Variants in CDH18 observed in about 807,000 individuals in gnomAD.
CDH18 encodes the protein cadherin-18.
CDH18 carries 31 observed loss-of-function variants against 67.9 expected under a neutral mutation model. That is an observed-to-expected ratio of 0.46 (90% CI 0.34 to 0.62). CDH18 has a LOEUF of 0.62. CDH18 is among the 20% of genes least tolerant of loss of function. The pLI is 0.01. For missense variants in CDH18, 890 were observed against 975.5 expected, an observed-to-expected ratio of 0.91 and a Z score of 1.17; for synonymous variants, 362 against 347.2, an observed-to-expected ratio of 1.04 and a Z score of -0.48.
intron 6 of CDH18, among the ~76,000 whole-genome samples, chr5:19,603,878 AT>A (rs953995019): frequency 6.0e-5 from 9 of 150,430 alleles, no homozygotes; most frequent in Admixed American, 1.3e-4. Flanking sequence ...ACTCATTAGA[AT>A]TTTTTTTACT....
In CDH18 at chr5:19,710,763, T is replaced by C. The variant is rs140455476; in HGVS notation, c.643+10584A>G. On this transcript the variant is annotated intron_variant, in intron 5 of 12. Coordinates refer to ENST00000382275, the MANE Select transcript of CDH18 (RefSeq NM_004934.5). ...CTACAAAACTTTTAAAAACTTAGTTTTGTAGTTAAAGTTAGATAATGTAGG... is the reference window on the plus strand; with the variant it reads ...CTACAAAACTTTTAAAAACTTAGTTCTGTAGTTAAAGTTAGATAATGTAGG... Among the ~76,000 whole-genome samples the C allele has an allele frequency of 2.0e-3, 306 of 152,248 alleles. 1 individual carries two copies. Among genetic ancestry groups the C allele is most frequent in the African/African-American group, 6.9e-3 (285 of 41,564 alleles).
At chr5:19,549,800 G>T (rs1271377377) in intron 8 of CDH18, among the ~76,000 whole-genome samples, 1 of 114,642 alleles carries the variant, frequency 8.7e-6, no homozygotes, top group East Asian at 2.9e-4. Flanking sequence ...AAGGAAGAAA[G>T]AAAAAGAAAG....
intron 8 of CDH18, among the ~76,000 whole-genome samples, chr5:19,547,360 G>A (rs1424431645): frequency 6.6e-6 from 1 of 152,142 alleles, no homozygotes; most frequent in Non-Finnish European, 1.5e-5. Context: ...ATTCAAATTT[G>A]GAACTTATTA....
chr5:20,157,379 G>A (rs1212592316), intron 2 of CDH18, among the ~76,000 whole-genome samples: 1 of 152,124 alleles, frequency 6.6e-6, no homozygotes, highest in Admixed American at 6.6e-5. Context: ...AGTGGACTAT[G>A]AAGAATCAGT....
intron 1 of CDH18, among the ~76,000 whole-genome samples, chr5:20,279,721 A>AC (rs1352580317): frequency 6.7e-6 from 1 of 148,716 alleles, no homozygotes; most frequent in Admixed American, 6.7e-5. Flanking sequence ...AAAAAAAAAA[A>AC]AAAAAAAGCA....
chr5:19,525,893 C>A (rs778020074), intron 9 of CDH18, among the ~76,000 whole-genome samples: 4 of 152,136 alleles, frequency 2.6e-5, no homozygotes, highest in Non-Finnish European at 5.9e-5. Context: ...TTCCTTAAGA[C>A]CTTAAAGCAC....
chr5:19,741,288 T>C (rs535845852), intron 4 of CDH18, among the ~76,000 whole-genome samples: 3 of 142,340 alleles, frequency 2.1e-5, no homozygotes, highest in East Asian at 2.1e-4. Context: ...CGTGTATATA[T>C]ACATACATAT....
chr5:20,552,915 C>T (rs527356729), intron 1 of CDH18, among the ~76,000 whole-genome samples: 21 of 152,018 alleles, frequency 1.4e-4, no homozygotes, highest in South Asian at 4.2e-4. Context: ...CCATCATGCA[C>T]GGCTAATTTT....
intron 7 of CDH18, among the ~76,000 whole-genome samples, chr5:19,582,774 T>C (rs917048438): frequency 2.0e-5 from 3 of 152,034 alleles, no homozygotes; most frequent in African/African-American, 7.2e-5. Flanking sequence ...GACTTATTTA[T>C]TACTCTTTGT....
At chr5:20,438,995 G>T (rs1508542) in intron 1 of CDH18, among the ~76,000 whole-genome samples, 61,225 of 151,180 alleles carry the variant, frequency 0.4, 14,366 homozygotes, top group Non-Finnish European at 0.52. Flanking sequence ...GTAATTAATA[G>T]TGTTAAGTAA....
At chr5:19,841,108 G>A (rs1038905258) in intron 2 of CDH18, among the ~76,000 whole-genome samples, 3 of 151,848 alleles carry the variant, frequency 2.0e-5, no homozygotes, top group Admixed American at 6.6e-5. Flanking sequence ...TGAGTATTTC[G>A]CTCCTTAAAT....
chr5:19,775,556 C>A (rs374294192), intron 3 of CDH18, among the ~76,000 whole-genome samples: 267 of 152,090 alleles, frequency 1.8e-3, no homozygotes, highest in Non-Finnish European at 2.8e-3. Flanking sequence ...GGGGAGATGC[C>A]ACACACTTTT....
intron 1 of CDH18, among the ~76,000 whole-genome samples, chr5:20,495,402 C>T (rs918039891): frequency 7.9e-5 from 12 of 152,134 alleles, no homozygotes; most frequent in South Asian, 6.2e-4. Context: ...AAAAAGAATG[C>T]TTAAAGCAGT....
chr5:19,607,732 CAAG>C (rs1310662289), intron 6 of CDH18, among the ~76,000 whole-genome samples: 1 of 150,508 alleles, frequency 6.6e-6, no homozygotes. Context: ...TAAGTGGTCA[CAAG>C]AAACATTTAT....
At chr5:20,077,231 A>G (rs1052147612) in intron 2 of CDH18, among the ~76,000 whole-genome samples, 1 of 152,096 alleles carries the variant, frequency 6.6e-6, no homozygotes, top group Non-Finnish European at 1.5e-5. Context: ...AGACTCCTTT[A>G]CAAAGCAATT....
intron 2 of CDH18, among the ~76,000 whole-genome samples, chr5:20,128,066 G>T (rs929715372): frequency 1.3e-5 from 2 of 151,988 alleles, no homozygotes; most frequent in Non-Finnish European, 2.9e-5. Context: ...GCTCACGCTA[G>T]TCTCCCCAGT....
intron 6 of CDH18, among the ~76,000 whole-genome samples, chr5:19,604,259 A>G (rs1747656380): frequency 6.6e-6 from 1 of 152,016 alleles, no homozygotes; most frequent in South Asian, 2.1e-4. Flanking sequence ...GTCATTCCCT[A>G]TGATTACCCC....
intron 1 of CDH18, among the ~76,000 whole-genome samples, chr5:20,344,186 A>G (rs1042363641): frequency 1.3e-5 from 2 of 152,152 alleles, no homozygotes; most frequent in African/African-American, 4.8e-5. Context: ...TTCACCTAGA[A>G]AAGAATAAAA....
chr5:19,967,872 T>A (rs896667285), intron 2 of CDH18, among the ~76,000 whole-genome samples: 1 of 151,948 alleles, frequency 6.6e-6, no homozygotes, highest in Non-Finnish European at 1.5e-5. Context: ...AATAAAGGGT[T>A]TTCAATTAGG....
Sources: gnomAD v4.1 joint callset for allele counts (sites outside exome capture counted in the v4.1 genomes callset) on GRCh38, gnomAD v4.1.1 for gene constraint, MANE v1.5 for transcripts, NCBI Gene and HGNC (gene_info 2026-07-23, HGNC 2026-07-21) for gene names.